The following GALNT12 variants were observed in gnomAD, a reference collection of about 807,000 sequenced individuals.
GALNT12 encodes the protein polypeptide N-acetylgalactosaminyltransferase 12.
In GALNT12, 45 loss-of-function variants were observed where a neutral mutation model predicts 55.5. The ratio of observed to expected loss-of-function variants is 0.81; its 90% confidence interval spans 0.64 to 1.04. The LOEUF is 1.04. Among genes scored for constraint, GALNT12 ranks in the 50% least tolerant of loss-of-function variants. The pLI, the probability that GALNT12 is intolerant of heterozygous loss-of-function variation, is 0.00. For synonymous variants in GALNT12, 304 were observed against 312.2 expected (o/e 0.97, Z 0.28); for missense variants, 709 against 754.8 (o/e 0.94, Z 0.71).
chr9:98,849,539 C>T lies in GALNT12; in HGVS notation c.*447C>T. The T allele has an allele frequency of 4.3e-6, 2 of 469,218 alleles. No individual in the cohort carries two copies. Among genetic ancestry groups the T allele is most frequent in the Non-Finnish European group, 7.4e-6 (2 of 269,570 alleles). 29.1% of individuals were successfully genotyped at this position (469,218 alleles called of 1,614,324 possible). A position where few individuals can be genotyped will look rare whatever the true frequency, so the allele number is the denominator to read the frequency against. ...TACTTTGCATTAACTGATAATACCT[C>T]AGCTGCGGGGTTAAAGTTTTCCCAG... On this transcript the variant is annotated 3_prime_UTR_variant, in exon 10 of 10. Transcript: ENST00000375011.
intron 3 of GALNT12, among the ~76,000 whole-genome samples, chr9:98,827,766 G>T (rs1835892404): frequency 6.6e-6 from 1 of 152,134 alleles, no homozygotes; most frequent in South Asian, 2.1e-4. Flanking sequence ...GATTGTATTT[G>T]TCTTTATACC....
intron 1 of GALNT12, among the ~76,000 whole-genome samples, chr9:98,816,015 A>AT (rs1835602764): frequency 6.6e-6 from 1 of 152,184 alleles, no homozygotes; most frequent in Non-Finnish European, 1.5e-5. Flanking sequence ...GGGTACTGTT[A>AT]TTACCAGGTA....
At position 98,840,026 on chromosome 9, in the gene GALNT12, A is replaced by G. The variant is rs763368999; in HGVS notation, c.1237A>G (p.Arg413Gly). Residue 413 changes from arginine to glycine, a missense_variant, in exon 7 of 10, where the codon AGG becomes GGG. Transcript: ENST00000375011. Reference protein sequence around the residue: ...RLEPFGDVTERKQLRDKLQCK... With the variant: ...RLEPFGDVTEGKQLRDKLQCK... ...GGAACCTTTTGGGGATGTGACAGAG[A>G]GGAAGCAGCTCCGGGACAAGCTCCA... 1.2e-6 allele frequency: 2 copies of G among 1,614,166 alleles called. No individual in the cohort carries two copies. The highest frequency in any genetic ancestry group is 2.2e-5 in the East Asian group (1 of 44,882).
chr9:98,822,381 T>C (rs2118348677), intron 1 of GALNT12, among the ~76,000 whole-genome samples: 2 of 152,340 alleles, frequency 1.3e-5, no homozygotes, highest in African/African-American at 4.8e-5. Flanking sequence ...TCACTCAGGA[T>C]AGAATTCTGT....
chr9:98,841,568 A>G (rs1018186861), intron 7 of GALNT12, among the ~76,000 whole-genome samples: 2 of 152,098 alleles, frequency 1.3e-5, no homozygotes, highest in Admixed American at 1.3e-4. Context: ...TTTCTTCCAC[A>G]TTTATTAGCT....
chr9:98,838,524 C>T (rs1438284283), intron 6 of GALNT12, among the ~76,000 whole-genome samples: 1 of 152,198 alleles, frequency 6.6e-6, no homozygotes, highest in Non-Finnish European at 1.5e-5. Context: ...TTCCTCATAG[C>T]GATTTATCTC....
chr9:98,846,171 A>G (rs753044857), intron 9 of GALNT12, 48 bp downstream of exon 9: 1 of 1,607,900 alleles, frequency 6.2e-7, no homozygotes, highest in Non-Finnish European at 8.5e-7. Context: ...CTGGGCTATA[A>G]GGGAGAGTGT....
chr9:98,837,871 A>G (rs1836192746), intron 6 of GALNT12, among the ~76,000 whole-genome samples: 1 of 152,248 alleles, frequency 6.6e-6, no homozygotes, highest in East Asian at 1.9e-4. Flanking sequence ...AAACACCACA[A>G]GTATTGATTT....
At chr9:98,832,146 C>T (rs576953974) in intron 4 of GALNT12, among the ~76,000 whole-genome samples, 189 bp downstream of exon 4, 22 of 152,128 alleles carry the variant, frequency 1.4e-4, no homozygotes, top group Non-Finnish European at 3.1e-4. Context: ...AATTTTATAT[C>T]GGTATATTTT....
chr9:98,845,604 G>T (rs1381189020), intron 8 of GALNT12, among the ~76,000 whole-genome samples: 1 of 152,118 alleles, frequency 6.6e-6, no homozygotes, highest in Non-Finnish European at 1.5e-5. Flanking sequence ...AGGAGAGGAA[G>T]TAGCTAGTCA....
intron 7 of GALNT12, among the ~76,000 whole-genome samples, chr9:98,840,426 C>T (rs1399859112): frequency 6.6e-6 from 1 of 152,114 alleles, no homozygotes; most frequent in Non-Finnish European, 1.5e-5. Flanking sequence ...TTTACCAACG[C>T]CTTATCATAT....
intron 1 of GALNT12, among the ~76,000 whole-genome samples, chr9:98,813,550 T>G (rs1313855048): frequency 1.3e-5 from 2 of 151,818 alleles, no homozygotes; most frequent in Non-Finnish European, 2.9e-5. Flanking sequence ...CAGGCTGGAG[T>G]GCAATGGTGC....
intron 4 of GALNT12, among the ~76,000 whole-genome samples, chr9:98,834,382 A>G (rs901842917): frequency 6.6e-6 from 1 of 151,950 alleles, no homozygotes; most frequent in Non-Finnish European, 1.5e-5. Context: ...CAGCCTCCCA[A>G]AGTGCTGGGA....
At chr9:98,826,691 G>A in intron 2 of GALNT12, 61 bp from the exon 3 acceptor site, 1 of 1,534,192 alleles carries the variant, frequency 6.5e-7, no homozygotes, top group South Asian at 1.2e-5. Context: ...GCCCCGGGTT[G>A]GGATGAGGCG....
chr9:98,836,989 G>A lies in GALNT12; in HGVS notation c.1053G>A (p.Gly351=). Residue 351 remains glycine, a synonymous_variant, in exon 6 of 10, where the codon GGG becomes GGA. Coordinates refer to ENST00000375011, the MANE Select transcript of GALNT12 (RefSeq NM_024642.5). ...EFSFRIWQCG[G]VLETHPCSHV... is the part of the protein sequence containing the mutation. ...GTGTGCAGATCTGGCAGTGTGGTGGGGTTCTGGAAACACACCCATGTTCCC... is the reference window on the plus strand; with the variant it reads ...GTGTGCAGATCTGGCAGTGTGGTGGAGTTCTGGAAACACACCCATGTTCCC... The A allele has an allele frequency of 6.2e-7, 1 of 1,614,094 alleles. No individual in the cohort carries two copies. The highest frequency in any genetic ancestry group is 8.5e-7 in the Non-Finnish European group (1 of 1,180,022).
Position 98,831,852 on chromosome 9 carries a change from C to G in GALNT12, c.812C>G (p.Ser271Cys), listed in dbSNP as rs1187144472. ...DWNTFEYLGN[S>C]GEPQIGGFDW... ...AACACCTTCGAATACCTGGGGAACTCCGGGGAGCCCCAGATCGGCGGTTTC... is the reference window on the plus strand; with the variant it reads ...AACACCTTCGAATACCTGGGGAACTGCGGGGAGCCCCAGATCGGCGGTTTC... Residue 271 changes from serine to cysteine, a missense_variant, in exon 4 of 10, where the codon TCC (serine) becomes TGC (cysteine). By Grantham distance (112) the Ser-to-Cys change is moderately radical (BLOSUM62 -1). This residue lies in a region of GALNT12 where 315 missense variants were observed against 288.6 expected (regional missense o/e 1.09). Transcript: ENST00000375011. 6.2e-7 allele frequency: 1 copy of G among 1,614,176 alleles called. No individual in the cohort carries two copies. The highest frequency in any genetic ancestry group is 8.5e-7 in the Non-Finnish European group (1 of 1,180,036).
rs2118414221 is a variant in GALNT12 at position 98,831,844 on chromosome 9, G to T, written c.804G>T (p.Leu268=). ...DVIDWNTFEY[L]GNSGEPQIGG... is the part of the protein sequence containing the mutation. ...TCGACTGGAACACCTTCGAATACCT[G>T]GGGAACTCCGGGGAGCCCCAGATCG... The change falls in exon 4 of 10, where the codon CTG becomes CTT. Residue 268 remains leucine, a synonymous_variant. Coordinates refer to ENST00000375011, the MANE Select transcript of GALNT12 (RefSeq NM_024642.5). 6.2e-7 allele frequency: 1 copy of T among 1,614,178 alleles called. No homozygotes were observed. The highest frequency in any genetic ancestry group is 8.5e-7 in the Non-Finnish European group (1 of 1,180,034).
At chr9:98,829,189 C>CTATT in intron 3 of GALNT12, among the ~76,000 whole-genome samples, 1 of 151,514 alleles carries the variant, frequency 6.6e-6, no homozygotes, top group African/African-American at 2.4e-5. Flanking sequence ...ATCTATCTAT[C>CTATT]TATCTATCTA....
intron 1 of GALNT12, among the ~76,000 whole-genome samples, chr9:98,816,893 C>T (rs1230036354): frequency 2.0e-5 from 3 of 148,562 alleles, no homozygotes; most frequent in African/African-American, 7.5e-5. Context: ...CCCCTGATCT[C>T]GGCTCACTGC....
Sources: gnomAD v4.1 joint callset for allele counts (sites outside exome capture counted in the v4.1 genomes callset) on GRCh38, gnomAD v4.1.1 for gene constraint, gnomAD v4.1.1 regional missense constraint, MANE v1.5 for transcripts, NCBI Gene and HGNC (gene_info 2026-07-23, HGNC 2026-07-21) for gene names.